USB1: variants seen among roughly 807,000 people sequenced by gnomAD.
USB1 encodes the protein U6 snRNA biogenesis phosphodiesterase 1, also known as U6 snRNA phosphodiesterase 1.
Under a neutral mutation model 29.9 loss-of-function variants are expected in USB1, and 21 were observed. The ratio of observed to expected loss-of-function variants is 0.70; its 90% CI spans 0.50 to 1.01. The LOEUF (loss-of-function observed/expected upper bound fraction) is 1.01. Ranked by LOEUF, USB1 falls within the 50% of genes least tolerant of loss-of-function variation. USB1 has a pLI of 0.00. For synonymous variants in USB1, 143 were observed against 134.9 expected (o/e 1.06, Z -0.42); for missense variants, 330 against 347.1 (o/e 0.95, Z 0.39).
chr16:58,018,548 G>T (rs1054565320), intron 5 of USB1, among the ~76,000 whole-genome samples: 10 of 152,012 alleles, frequency 6.6e-5, no homozygotes, highest in African/African-American at 1.7e-4. Context: ...TCTGGTGAGG[G>T]TTCTTCCTGG....
At chr16:58,012,842 A>G (rs2142306763) in intron 3 of USB1, 1 of 991,048 alleles carries the variant, frequency 1.0e-6, no homozygotes, top group Non-Finnish European at 1.2e-6. Flanking sequence ...GCTCCCCTGC[A>G]TACAGTGGTT....
chr16:58,019,190 T>C (rs1025788195), intron 6 of USB1, 135 bp downstream of exon 6: 2 of 851,064 alleles, frequency 2.3e-6, no homozygotes, highest in African/African-American at 3.4e-5. Context: ...CCCCAACACC[T>C]TCCCTTGTGA....
intron 5 of USB1, 103 bp downstream of exon 5, chr16:58,017,542 C>T: frequency 9.5e-7 from 1 of 1,053,332 alleles, no homozygotes; most frequent in Non-Finnish European, 1.4e-6. Context: ...CCCTTCAGAA[C>T]CTCCCGTGTC....
At position 58,020,316 on chromosome 16, in the gene USB1, T is replaced by C; in HGVS notation, c.*71T>C. 3 of 1,479,268 alleles carry C rather than the reference T, an allele frequency of 2.0e-6. No individual in the cohort carries two copies. The highest frequency in any genetic ancestry group is 2.3e-5 in the South Asian group (2 of 86,264). The allele number at this position is 1,479,268 out of a possible 1,614,324, so 91.6% of individuals were successfully genotyped here. On this transcript the variant is annotated 3_prime_UTR_variant, in exon 7 of 7. Coordinates refer to ENST00000219281, the MANE Select transcript of USB1 (RefSeq NM_024598.4). ...AGATGGAGGAACCTGCTAAAATCGA[T>C]GGAGATGCTTCTAGCCTCCCAGTAG...
Position 58,002,633 on chromosome 16 carries a change from G to A in USB1, c.253G>A (p.Val85Ile), listed in dbSNP as rs764580227. The A allele has an allele frequency of 2.2e-5, 35 of 1,613,706 alleles. No homozygotes were observed. Among genetic ancestry groups the A allele is most frequent in the African/African-American group, 4.0e-5 (3 of 74,880 alleles). ...CGAGCGAGGCAACTGGGCCACCCAC[G>A]TCTATGTACCATGTGAGTGATGTGT... ...PHERGNWATH[V>I]YVPYEAKEEF... The change falls in exon 2 of 7, where the codon GTC (valine) becomes ATC (isoleucine). Residue 85 changes from valine to isoleucine, a missense_variant. Val to Ile is a conservative substitution (Grantham distance 29, BLOSUM62 3). Transcript: ENST00000219281.
At chr16:58,014,410 C>T in intron 4 of USB1, 84 bp downstream of exon 4, 1 of 1,275,574 alleles carries the variant, frequency 7.8e-7, no homozygotes, top group Non-Finnish European at 1.1e-6. Context: ...ACTTGTTTGT[C>T]CCATTTTTTG....
chr16:58,016,839 C>CGCCGTAGCA, intron 4 of USB1: 1 of 185,618 alleles, frequency 5.4e-6, no homozygotes. Flanking sequence ...GACAAATGGT[C>CGCCGTAGCA]TTTTTGAGAA....
Position 58,020,522 on chromosome 16 carries a change from T to G in USB1, c.*277T>G. ...CTTCTCTCTTCCTCTCCTCTCTCTC[T>G]TCCTCTTCTCTCTCTTCCCCTCCTG... On this transcript the variant is annotated 3_prime_UTR_variant, in exon 7 of 7. Coordinates refer to ENST00000219281, the MANE Select transcript of USB1 (RefSeq NM_024598.4). 2 of 484,828 alleles carry G rather than the reference T, an allele frequency of 4.1e-6. No homozygotes were observed. Among genetic ancestry groups the G allele is most frequent in the Non-Finnish European group, 7.5e-6 (2 of 266,516 alleles). 30.0% of individuals were successfully genotyped at this position (484,828 alleles called of 1,614,324 possible). A position where few individuals can be genotyped will look rare whatever the true frequency, so the allele number is the denominator to read the frequency against.
Position 58,020,754 on chromosome 16 carries a change from C to A in USB1, c.*509C>A. 5.4e-6 allele frequency: 1 copy of A among 184,498 alleles called. No homozygotes were observed. 11.4% of individuals were successfully genotyped at this position (184,498 alleles called of 1,614,324 possible). ...TTCCTCTCCTCTCTCTCTTCCTCTC[C>A]TCTCTCTCTCTTGCTTTCTTCTCTC... On this transcript the variant is annotated 3_prime_UTR_variant, in exon 7 of 7. Coordinates refer to ENST00000219281, the MANE Select transcript of USB1 (RefSeq NM_024598.4).
chr16:58,011,428 T>A, intron 3 of USB1: 2 of 1,095,976 alleles, frequency 1.8e-6, no homozygotes, highest in Non-Finnish European at 2.2e-6. Flanking sequence ...ATTTCATAAC[T>A]CTTTTCCTAC....
intron 3 of USB1, chr16:58,012,420 C>T: frequency 7.5e-7 from 1 of 1,336,350 alleles, no homozygotes; most frequent in Non-Finnish European, 1.0e-6. Flanking sequence ...AGCACTGGCT[C>T]ATGCATGAGT....
chr16:58,000,899 C>T (rs909213107), upstream of USB1, among the ~76,000 whole-genome samples: 12 of 152,204 alleles, frequency 7.9e-5, no homozygotes, highest in African/African-American at 2.9e-4. The surrounding 1 kb of genome is among the most constrained non-coding windows in gnomAD (Gnocchi z 4.5). Context: ...CTTCCGGCCA[C>T]CCCGCTCGGG....
In USB1 at chr16:58,020,455, C is replaced by T. The variant is rs1963710468; in HGVS notation, c.*210C>T. On this transcript the variant is annotated 3_prime_UTR_variant, in exon 7 of 7. Transcript: ENST00000219281. ...TCCTCTTCTTTCTCTCTCTTCTCCTCTCTTTCTCTCCTCTGTCTCTCTTCC... is the reference window on the plus strand; with the variant it reads ...TCCTCTTCTTTCTCTCTCTTCTCCTTTCTTTCTCTCCTCTGTCTCTCTTCC... 1.7e-6 allele frequency: 1 copy of T among 598,386 alleles called. No individual in the cohort carries two copies. The highest frequency in any genetic ancestry group is 3.0e-6 in the Non-Finnish European group (1 of 332,474). The allele number at this position is 598,386 out of a possible 1,614,324, so 37.1% of individuals were successfully genotyped here. A position where few individuals can be genotyped will look rare whatever the true frequency, so the allele number is the denominator to read the frequency against.
chr16:58,020,892 A>G lies in USB1; in HGVS notation c.*647A>G, dbSNP rs1963726921. On this transcript the variant is annotated 3_prime_UTR_variant, in exon 7 of 7. Coordinates refer to ENST00000219281, the MANE Select transcript of USB1 (RefSeq NM_024598.4). ...TCCTAATGCTTACTCTGGTTGTTAC[A>G]CAAAGAAAATATTGGGGTCACTGGC... The G allele has an allele frequency of 6.3e-6, 1 of 159,620 alleles. No homozygotes were observed. Among genetic ancestry groups the G allele is most frequent in the African/African-American group, 2.4e-5 (1 of 41,450 alleles). The allele number at this position is 159,620 out of a possible 1,614,324, so 9.9% of individuals were successfully genotyped here.
At chr16:58,011,259 C>G (rs964684048) in intron 3 of USB1, 2 of 1,455,524 alleles carry the variant, frequency 1.4e-6, no homozygotes, top group Admixed American at 2.4e-5. Context: ...TCAAACAGGT[C>G]ATGGTAATGG....
intron 6 of USB1, 91 bp from the exon 7 acceptor site, chr16:58,020,050 C>T (rs779874096): frequency 2.0e-5 from 26 of 1,272,324 alleles, no homozygotes; most frequent in Non-Finnish European, 2.6e-5. Context: ...CGCCCAGCCT[C>T]TGAAGTTGGG....
intron 2 of USB1, among the ~76,000 whole-genome samples, chr16:58,004,010 A>G (rs1370193753): frequency 1.3e-5 from 2 of 152,210 alleles, no homozygotes; most frequent in Non-Finnish European, 2.9e-5. Context: ...TCATATCTAA[A>G]AAGTTGTCAC....
At chr16:58,012,146 A>G in intron 3 of USB1, 1 of 1,418,682 alleles carries the variant, frequency 7.0e-7, no homozygotes, top group Non-Finnish European at 9.2e-7. Context: ...GAAACTGCTC[A>G]GTTAGCTGAA....
Position 58,018,853 on chromosome 16 carries a change from C to T in USB1, c.610-119C>T, listed in dbSNP as rs969832625. 5.9e-5 allele frequency: 57 copies of T among 964,998 alleles called. No homozygotes were observed. The Admixed American group carries it at 1.1e-3, about 19-fold the overall frequency. 59.8% of individuals were successfully genotyped at this position (964,998 alleles called of 1,614,324 possible). ...GGATCAACACTGAGTATCTTGTCTCCCACTGGGCAGGCCAGGGATCCAGCA... is the reference window on the plus strand; with the variant it reads ...GGATCAACACTGAGTATCTTGTCTCTCACTGGGCAGGCCAGGGATCCAGCA... On this transcript the variant is annotated intron_variant, in intron 5 of 6. Transcript: ENST00000219281.
Sources: allele counts gnomAD v4.1 joint callset (sites outside exome capture counted in the v4.1 genomes callset), GRCh38; gene constraint gnomAD v4.1.1; non-coding constraint Gnocchi (gnomAD v3.1); transcripts MANE v1.5; gene names NCBI Gene and HGNC (gene_info 2026-07-23, HGNC 2026-07-21).